Variants in MCCC2 observed in about 807,000 individuals in gnomAD.
The protein encoded by MCCC2 is methylcrotonoyl-CoA carboxylase beta chain, mitochondrial.
A neutral mutation model predicts 77.2 loss-of-function variants in MCCC2; 52 were observed. The observed-to-expected ratio is 0.67, with a 90% confidence interval of 0.54 to 0.85. The LOEUF is 0.85. Ranked by LOEUF, MCCC2 falls within the 40% of genes least tolerant of loss-of-function variation. The pLI is 0.00. For synonymous variants in MCCC2, 253 were observed against 248.4 expected (o/e 1.02, Z -0.18); for missense variants, 682 against 703.2 (o/e 0.97, Z 0.34).
intron 6 of MCCC2, among the ~76,000 whole-genome samples, chr5:71,622,903 G>T (rs277989): frequency 1.3e-5 from 2 of 152,170 alleles, no homozygotes; most frequent in Admixed American, 6.5e-5. Context: ...TCAGGAGATC[G>T]AGACCATCCT....
At chr5:71,633,280 T>C (rs1297523662) in intron 8 of MCCC2, among the ~76,000 whole-genome samples, 6 of 151,530 alleles carry the variant, frequency 4.0e-5, no homozygotes, top group African/African-American at 1.5e-4. Flanking sequence ...TTTAAGCAGT[T>C]TGACTATTTA....
chr5:71,640,199 A>G (rs1403879332), intron 10 of MCCC2, among the ~76,000 whole-genome samples: 1 of 152,218 alleles, frequency 6.6e-6, no homozygotes, highest in Non-Finnish European at 1.5e-5. Flanking sequence ...TTAAGTGCTT[A>G]ATAATAGTGA....
intron 6 of MCCC2, among the ~76,000 whole-genome samples, chr5:71,625,384 A>G (rs1254857871): frequency 6.6e-6 from 1 of 152,170 alleles, no homozygotes; most frequent in Non-Finnish European, 1.5e-5. Flanking sequence ...GAATAATAGA[A>G]CTGAATGCTG....
chr5:71,593,214 A>G (rs1463076726), intron 2 of MCCC2, among the ~76,000 whole-genome samples: 1 of 151,624 alleles, frequency 6.6e-6, no homozygotes, highest in African/African-American at 2.4e-5. Context: ...CAGCCTCCCA[A>G]GTTGTTGGGA....
At chr5:71,619,773 C>T (rs547274817) in intron 6 of MCCC2, among the ~76,000 whole-genome samples, 4 of 152,074 alleles carry the variant, frequency 2.6e-5, no homozygotes, top group Admixed American at 6.6e-5. Flanking sequence ...GGGCAGATCA[C>T]GAGGTCAGGA....
At chr5:71,610,782 C>T (rs1045957783) in intron 6 of MCCC2, among the ~76,000 whole-genome samples, 3 of 150,916 alleles carry the variant, frequency 2.0e-5, no homozygotes, top group Non-Finnish European at 3.0e-5. Flanking sequence ...GTCAGGAGAT[C>T]GAGACTATCC....
At chr5:71,593,476 A>G (rs889767688) in intron 2 of MCCC2, among the ~76,000 whole-genome samples, 1 of 152,094 alleles carries the variant, frequency 6.6e-6, no homozygotes, top group Admixed American at 6.6e-5. Context: ...TTTTCTCTTC[A>G]TAGAGTACTA....
intron 6 of MCCC2, among the ~76,000 whole-genome samples, chr5:71,611,609 G>A (rs755612753): frequency 6.6e-6 from 1 of 152,044 alleles, no homozygotes. Context: ...TATTTACTAT[G>A]TATGTAAAGG....
chr5:71,588,670 T>C lies in MCCC2; in HGVS notation c.129+1116T>C, dbSNP rs187181483. ...GAAGGTGGTTACAGAAAGCTACCGA[T>C]AGGAAGTAATGGGTGAGATGAATCT... On this transcript the variant is annotated intron_variant, in intron 1 of 16. Transcript: ENST00000340941. 2.9e-3 allele frequency among the ~76,000 whole-genome samples: 446 copies of C among 152,232 alleles called. 3 individuals are homozygous for C. Among genetic ancestry groups the C allele is most frequent in the African/African-American group, 0.01 (419 of 41,542 alleles).
chr5:71,633,420 T>C (rs1364760843), intron 8 of MCCC2, among the ~76,000 whole-genome samples: 5 of 152,048 alleles, frequency 3.3e-5, no homozygotes, highest in Non-Finnish European at 7.4e-5. Flanking sequence ...CATTTCCTCA[T>C]AGATAAAGTG....
At chr5:71,601,949 A>G (rs1391514857) in intron 4 of MCCC2, among the ~76,000 whole-genome samples, 1 of 152,172 alleles carries the variant, frequency 6.6e-6, no homozygotes, top group East Asian at 1.9e-4. Context: ...TAAAGTTTGC[A>G]TTCATTCTGA....
At chr5:71,634,810 G>T in intron 8 of MCCC2, 133 bp from the exon 9 acceptor site, 1 of 770,758 alleles carries the variant, frequency 1.3e-6, no homozygotes, top group Non-Finnish European at 2.2e-6. Flanking sequence ...ATTTATTAAA[G>T]ATGACAAATT....
intron 6 of MCCC2, among the ~76,000 whole-genome samples, chr5:71,621,230 G>C (rs949560185): frequency 1.3e-5 from 2 of 152,122 alleles, no homozygotes; most frequent in African/African-American, 4.8e-5. Flanking sequence ...GATACAGCTG[G>C]GCACGGTGGC....
chr5:71,611,860 C>T (rs1246676464), intron 6 of MCCC2, among the ~76,000 whole-genome samples: 9 of 150,866 alleles, frequency 6.0e-5, no homozygotes, highest in Non-Finnish European at 4.4e-5. Context: ...GCTACCTCGG[C>T]TCACTGCAAA....
intron 5 of MCCC2, among the ~76,000 whole-genome samples, chr5:71,603,471 A>G (rs1243857213): frequency 1.3e-5 from 2 of 151,894 alleles, no homozygotes; most frequent in African/African-American, 4.8e-5. Context: ...TTAGTCTGAT[A>G]AAATTCCAAC....
chr5:71,655,463 C>T lies in MCCC2; in HGVS notation c.1575-1280C>T, dbSNP rs373154372. Among the ~76,000 whole-genome samples the T allele has an allele frequency of 3.9e-5, 6 of 152,278 alleles. No homozygotes were observed. The East Asian group carries it at 7.7e-4, about 20-fold the overall frequency. On this transcript the variant is annotated intron_variant, in intron 16 of 16. Transcript: ENST00000340941. ...CCGGCATTTCATTAGTGCCTCTTAC[C>T]TGGGGCAGTCTTTTTAATGAACATT...
At chr5:71,603,153 C>G (rs899432453) in intron 5 of MCCC2, 6 of 159,644 alleles carry the variant, frequency 3.8e-5, no homozygotes, top group African/African-American at 1.5e-4. Context: ...TGGCTCACGC[C>G]TGTAATCCCA....
chr5:71,603,486 G>A (rs921905322), intron 5 of MCCC2, among the ~76,000 whole-genome samples: 3 of 150,424 alleles, frequency 2.0e-5, no homozygotes, highest in African/African-American at 2.4e-5. Context: ...TCCAACATAC[G>A]TTGTTCATGT....
chr5:71,603,300 C>T (rs374920959), intron 5 of MCCC2, among the ~76,000 whole-genome samples: 11 of 151,618 alleles, frequency 7.3e-5, no homozygotes, highest in African/African-American at 2.2e-4. Flanking sequence ...GCTGTAGTCC[C>T]AGCTACTTGG....
Sources: gnomAD v4.1 joint callset for allele counts (sites outside exome capture counted in the v4.1 genomes callset) on GRCh38, gnomAD v4.1.1 for gene constraint, MANE v1.5 for transcripts, NCBI Gene and HGNC (gene_info 2026-07-23, HGNC 2026-07-21) for gene names.